The following SMARCC2 variants were observed in gnomAD, a reference collection of about 807,000 sequenced individuals.
The protein encoded by SMARCC2 is SWI/SNF related BAF chromatin remodeling complex subunit C2, also known as SWI/SNF complex subunit SMARCC2.
Under a neutral mutation model 151.3 loss-of-function variants are expected in SMARCC2, and 15 were observed. The ratio of observed to expected loss-of-function variants is 0.10; its 90% CI spans 0.07 to 0.15. The LOEUF (loss-of-function observed/expected upper bound fraction) is 0.15. SMARCC2 is among the 10% of genes least tolerant of loss of function. The pLI is 1.00. For missense variants in SMARCC2, 1,031 were observed against 1,599.7 expected (o/e 0.64, Z 6.06); for synonymous variants, 590 against 609.5 (o/e 0.97, Z 0.47).
chr12:56,178,227 TC>T, intron 14 of SMARCC2, 134 bp from the exon 15 acceptor site: 1 of 911,460 alleles, frequency 1.1e-6, no homozygotes, highest in Non-Finnish European at 1.7e-6. Context: ...GGGGAGAACA[TC>T]CCACAGGCTG....
At chr12:56,179,606 C>A (rs1875719846) in intron 11 of SMARCC2, among the ~76,000 whole-genome samples, 1 of 152,188 alleles carries the variant, frequency 6.6e-6, no homozygotes, top group African/African-American at 2.4e-5. Flanking sequence ...GGAGCAATGT[C>A]TCCAAAGTGG....
At chr12:56,169,405 T>C in intron 25 of SMARCC2, 124 bp downstream of exon 25, 2 of 1,246,432 alleles carry the variant, frequency 1.6e-6, no homozygotes, top group Non-Finnish European at 2.2e-6. Flanking sequence ...CCTCCTGAGA[T>C]AAAAATAAAA....
At chr12:56,184,304 GCCACAGAGC>G in intron 5 of SMARCC2, 60 bp from the exon 6 acceptor site, 1 of 1,243,774 alleles carries the variant, frequency 8.0e-7, no homozygotes, top group Non-Finnish European at 1.2e-6. Flanking sequence ...TCAAGGTTTA[GCCACAGAGC>G]TGCCTTCCTA....
chr12:56,181,938 C>A, intron 8 of SMARCC2, 66 bp downstream of exon 8: 1 of 1,587,306 alleles, frequency 6.3e-7, no homozygotes, highest in South Asian at 1.1e-5. Flanking sequence ...GCCTCTGTTT[C>A]ACTTCCAAAG....
At chr12:56,178,128 C>T in intron 14 of SMARCC2, 35 bp from the exon 15 acceptor site, 1 of 1,575,546 alleles carries the variant, frequency 6.3e-7, no homozygotes, top group Non-Finnish European at 8.7e-7. Context: ...CAGAAGAAGG[C>T]ATTGGTGAAG....
At position 56,163,475 on chromosome 12, in the gene SMARCC2, T is replaced by C. The variant is rs1872170395; in HGVS notation, c.*214A>G. The C allele has an allele frequency of 5.2e-6, 2 of 381,528 alleles. No homozygotes were observed. The highest frequency in any genetic ancestry group is 9.4e-6 in the Non-Finnish European group (2 of 213,336). 23.6% of individuals were successfully genotyped at this position (381,528 alleles called of 1,614,324 possible). ...CCATCCTATCCTCTCTCCCAGACAT[T>C]ATAAACATCTTTTAAACAGAAGTCC... On this transcript the variant is annotated 3_prime_UTR_variant, in exon 29 of 29. Coordinates refer to ENST00000550164, the MANE Select transcript of SMARCC2 (RefSeq NM_001330288.2).
chr12:56,171,768 T>C lies in SMARCC2; in HGVS notation c.2096A>G (p.Gln699Arg), dbSNP rs1448365700. Residue 699 changes from glutamine (Q) to arginine (R), a missense_variant, in exon 21 of 29, where the codon CAG becomes CGG. This residue lies in a region of SMARCC2 where 51 missense variants were observed against 137.9 expected (regional missense o/e 0.37). Coordinates refer to ENST00000550164, the MANE Select transcript of SMARCC2 (RefSeq NM_001330288.2). This position sits in a 1 kb window ranked among gnomAD's most constrained non-coding sequence, Gnocchi z 4.2. ...PLAYQPIPFSQSGNPVMSTVA... is the reference protein window; with the variant it reads ...PLAYQPIPFSRSGNPVMSTVA... ...AGTGCTCATAACAGGGTTGCCCGAC[T>C]GACTGAAGGGGATGGGTTGGTAGGC... is the stretch of plus-strand genomic sequence containing the variant. 1 of 1,612,482 alleles carries C rather than the reference T, an allele frequency of 6.2e-7. No individual in the cohort carries two copies. Among genetic ancestry groups the C allele is most frequent in the Non-Finnish European group, 8.5e-7 (1 of 1,179,296 alleles).
intron 27 of SMARCC2, 140 bp from the exon 28 acceptor site, chr12:56,164,871 C>T (rs1592271503): frequency 1.4e-6 from 1 of 713,366 alleles, no homozygotes; most frequent in East Asian, 2.7e-5. Context: ...TCACTGCAAC[C>T]TCCGCCTCCC....
chr12:56,188,209 G>A (rs1295469083), intron 1 of SMARCC2, among the ~76,000 whole-genome samples: 1 of 152,186 alleles, frequency 6.6e-6, no homozygotes, highest in East Asian at 1.9e-4. Context: ...CCCCTAGCCT[G>A]ATCTCCCTGC....
intron 26 of SMARCC2, among the ~76,000 whole-genome samples, chr12:56,166,024 T>C (rs1872711503): frequency 6.6e-6 from 1 of 152,250 alleles, no homozygotes; most frequent in African/African-American, 2.4e-5. Flanking sequence ...TTCAAGTTCT[T>C]TTCTTACTTC....
At chr12:56,180,352 G>A (rs1244452214) in intron 11 of SMARCC2, among the ~76,000 whole-genome samples, 1 of 150,456 alleles carries the variant, frequency 6.6e-6, no homozygotes, top group South Asian at 2.1e-4. Context: ...CTCGTGATCC[G>A]CCCACCTCGG....
chr12:56,168,314 G>A, intron 25 of SMARCC2, 120 bp from the exon 26 acceptor site: 2 of 1,121,776 alleles, frequency 1.8e-6, no homozygotes, highest in South Asian at 3.0e-5. Context: ...CACAACCCAT[G>A]GTGAAAGGGC....
chr12:56,169,168 G>A (rs542586340), intron 25 of SMARCC2, among the ~76,000 whole-genome samples: 6 of 151,936 alleles, frequency 3.9e-5, no homozygotes, highest in South Asian at 2.1e-4. Flanking sequence ...GGTGTAGCAC[G>A]CCTGTAGTCC....
intron 1 of SMARCC2, among the ~76,000 whole-genome samples, chr12:56,188,951 C>G (rs1213970027): frequency 6.6e-6 from 1 of 152,110 alleles, no homozygotes; most frequent in Non-Finnish European, 1.5e-5. Context: ...CCGCTGGTAC[C>G]TGGCTCCGTG....
Position 56,172,501 on chromosome 12 carries a change from AAC to A in SMARCC2, c.1864-13_1864-12del, listed in dbSNP as rs1874137828. 1 of 1,606,142 alleles carries A rather than the reference AAC, an allele frequency of 6.2e-7. No individual in the cohort carries two copies. Among genetic ancestry groups the A allele is most frequent in the Non-Finnish European group, 8.5e-7 (1 of 1,174,804 alleles). On this transcript the variant is annotated splice_polypyrimidine_tract_variant and intron_variant, in intron 19 of 28. Transcript: ENST00000550164. Reference sequence around the variant, plus strand: ...GGCTGCAGCCTTGCTCTGCAGGGGAAACACAGGCAGGTGAGAAGAAAGGAGCC... The same window carrying A: ...GGCTGCAGCCTTGCTCTGCAGGGGAAACAGGCAGGTGAGAAGAAAGGAGCC...
chr12:56,178,519 T>C lies in SMARCC2; in HGVS notation c.1195A>G (p.Ser399Gly), dbSNP rs1875475135. 3 of 1,614,118 alleles carry C rather than the reference T, an allele frequency of 1.9e-6. No homozygotes were observed. The highest frequency in any genetic ancestry group is 2.5e-6 in the Non-Finnish European group (3 of 1,180,044). ...ETTGKDEDEN[S>G]TGNKGEQTKN... Reference sequence around the variant, plus strand: ...GTCTGCTCTCCCTTGTTCCCCGTACTGTTCTCATCCTCATCCTACGAGTAT... The same window carrying C: ...GTCTGCTCTCCCTTGTTCCCCGTACCGTTCTCATCCTCATCCTACGAGTAT... Residue 399 changes from serine (S) to glycine (G), a missense_variant, in exon 14 of 29, where the codon AGT becomes GGT. This residue lies in a region of SMARCC2 where 127 missense variants were observed against 141.7 expected (regional missense o/e 0.90). Transcript: ENST00000550164.
intron 20 of SMARCC2, chr12:56,172,215 G>A (rs1326144254): frequency 1.8e-6 from 1 of 544,834 alleles, no homozygotes; most frequent in Non-Finnish European, 3.2e-6. Context: ...TGAGTAGCTG[G>A]GACCACAGGT....
chr12:56,183,260 T>C (rs1876590970), intron 7 of SMARCC2: 1 of 152,552 alleles, frequency 6.6e-6, no homozygotes, highest in Non-Finnish European at 1.5e-5. Context: ...GTTCAAGCGA[T>C]TATCCTGCTT....
chr12:56,184,109 G>T, intron 6 of SMARCC2, 66 bp downstream of exon 6: 1 of 1,252,246 alleles, frequency 8.0e-7, no homozygotes, highest in Non-Finnish European at 1.2e-6. Context: ...ACTGAATGGT[G>T]ATCTTAGTCC....
Sources: allele counts gnomAD v4.1 joint callset (sites outside exome capture counted in the v4.1 genomes callset), GRCh38; gene constraint gnomAD v4.1.1; regional missense constraint gnomAD v4.1.1; non-coding constraint Gnocchi (gnomAD v3.1); transcripts MANE v1.5; gene names NCBI Gene and HGNC (gene_info 2026-07-23, HGNC 2026-07-21).